The following CEP128 variants were observed in gnomAD, a reference collection of about 807,000 sequenced individuals.
The protein encoded by CEP128 is centrosomal protein 128, also known as centrosomal protein 128kDa.
A neutral mutation model predicts 156.7 loss-of-function variants in CEP128; 132 were observed. That is an observed-to-expected ratio of 0.84 (90% CI 0.73 to 0.97). The LOEUF is 0.97. Among genes scored for constraint, CEP128 ranks in the 50% least tolerant of loss-of-function variants. The pLI is 0.00. For missense variants in CEP128, 1,252 were observed against 1,281.9 expected (o/e 0.98, Z 0.36); for synonymous variants, 469 against 448.9 (o/e 1.04, Z -0.57).
chr14:80,713,794 T>G (rs1897502030), intron 19 of CEP128, among the ~76,000 whole-genome samples: 1 of 152,198 alleles, frequency 6.6e-6, no homozygotes, highest in South Asian at 2.1e-4. Context: ...GAAACAAAGA[T>G]AGTGATTTTG....
At chr14:80,674,562 TC>T in intron 19 of CEP128, among the ~76,000 whole-genome samples, 1 of 152,240 alleles carries the variant, frequency 6.6e-6, no homozygotes, top group South Asian at 2.1e-4. Flanking sequence ...TAAGAACATT[TC>T]TTTATTAAGT....
chr14:80,928,988 C>T (rs2139572786), intron 2 of CEP128, among the ~76,000 whole-genome samples: 1 of 151,610 alleles, frequency 6.6e-6, no homozygotes. Context: ...CAACAAAGGG[C>T]TAATATCCAG....
intron 19 of CEP128, among the ~76,000 whole-genome samples, chr14:80,662,070 A>T (rs1054022130): frequency 1.3e-5 from 2 of 152,206 alleles, no homozygotes; most frequent in Non-Finnish European, 2.9e-5. Context: ...TACGAGCAAC[A>T]TGATCTCAGC....
At chr14:80,617,592 C>G (rs1234376710) in intron 19 of CEP128, among the ~76,000 whole-genome samples, 1 of 152,084 alleles carries the variant, frequency 6.6e-6, no homozygotes, top group African/African-American at 2.4e-5. Flanking sequence ...TAACTACTCA[C>G]AAGATTGTTG....
intron 2 of CEP128, among the ~76,000 whole-genome samples, chr14:80,952,477 C>T (rs956824196): frequency 6.6e-6 from 1 of 151,940 alleles, no homozygotes; most frequent in Non-Finnish European, 1.5e-5. Flanking sequence ...TACAAGATAT[C>T]GAAACCTGTG....
intron 13 of CEP128, among the ~76,000 whole-genome samples, chr14:80,800,370 C>T (rs1423189023): frequency 6.6e-6 from 1 of 152,176 alleles, no homozygotes; most frequent in Admixed American, 6.5e-5. Flanking sequence ...CTTTTTATAT[C>T]TTGCTAGCAA....
Position 80,909,802 on chromosome 14 carries a change from A to G in CEP128, c.235-3721T>C, listed in dbSNP as rs559151083. On this transcript the variant is annotated intron_variant, in intron 4 of 24. Coordinates refer to ENST00000555265, the MANE Select transcript of CEP128 (RefSeq NM_152446.5). ...ATTTGATAACTCCTAAAACACAAAA[A>G]CCAAGAAATAAAGAGACAAAGTACG... is the stretch of plus-strand genomic sequence containing the variant. Among the ~76,000 whole-genome samples the G allele has an allele frequency of 3.9e-5, 6 of 152,334 alleles. No individual in the cohort carries two copies. The East Asian group carries it at 1.2e-3, about 29-fold the overall frequency.
intron 20 of CEP128, among the ~76,000 whole-genome samples, chr14:80,574,143 T>G (rs1265150108): frequency 6.6e-6 from 1 of 152,178 alleles, no homozygotes; most frequent in Non-Finnish European, 1.5e-5. Context: ...TAATCCTAAT[T>G]TATCAATTTA....
chr14:80,520,128 C>T (rs1888668377), intron 23 of CEP128, among the ~76,000 whole-genome samples: 3 of 152,100 alleles, frequency 2.0e-5, no homozygotes, highest in Non-Finnish European at 4.4e-5. Context: ...ATATTAAAAA[C>T]CCAAAGCAGG....
chr14:80,953,032 G>A (rs1435827904), intron 2 of CEP128, among the ~76,000 whole-genome samples: 1 of 152,112 alleles, frequency 6.6e-6, no homozygotes, highest in Non-Finnish European at 1.5e-5. Context: ...GAAAATGCAA[G>A]GTTCCAACAG....
intron 19 of CEP128, among the ~76,000 whole-genome samples, chr14:80,709,840 A>G (rs1330660453): frequency 6.6e-6 from 1 of 152,188 alleles, no homozygotes; most frequent in South Asian, 2.1e-4. Context: ...TATTATCAGT[A>G]GGTTTTTTTC....
intron 20 of CEP128, among the ~76,000 whole-genome samples, chr14:80,568,967 A>G (rs1424931099): frequency 2.0e-5 from 3 of 152,182 alleles, no homozygotes; most frequent in Non-Finnish European, 2.9e-5. Context: ...CTTTTTCTTC[A>G]AACTGAGCTT....
chr14:80,860,416 C>T (rs1887458457), intron 9 of CEP128, among the ~76,000 whole-genome samples: 1 of 152,112 alleles, frequency 6.6e-6, no homozygotes, highest in East Asian at 1.9e-4. Context: ...AATACCCAGG[C>T]TCTGGTATCT....
At chr14:80,956,734 G>A (rs147895907) in intron 2 of CEP128, among the ~76,000 whole-genome samples, 2,007 of 152,188 alleles carry the variant, frequency 0.013, 16 homozygotes, top group Middle Eastern at 0.054. Flanking sequence ...AAAGAAATGG[G>A]AAAGTTGCAC....
intron 14 of CEP128, among the ~76,000 whole-genome samples, chr14:80,788,308 T>TTC: frequency 6.7e-6 from 1 of 149,630 alleles, no homozygotes; most frequent in Admixed American, 6.7e-5. Flanking sequence ...TTTTTTTTTT[T>TTC]TTCTGTTTCC....
At chr14:80,839,609 T>A (rs1357467982) in intron 10 of CEP128, among the ~76,000 whole-genome samples, 1 of 152,192 alleles carries the variant, frequency 6.6e-6, no homozygotes, top group Non-Finnish European at 1.5e-5. Context: ...GGTTTTGATA[T>A]TGAATGGCAA....
At chr14:80,852,239 A>G (rs1011902604) in intron 9 of CEP128, among the ~76,000 whole-genome samples, 5 of 152,028 alleles carry the variant, frequency 3.3e-5, no homozygotes, top group African/African-American at 1.2e-4. Flanking sequence ...AAGGAGTTAA[A>G]TTAAAAACAA....
At chr14:80,504,428 C>G (rs899318480) in intron 24 of CEP128, among the ~76,000 whole-genome samples, 2 of 152,142 alleles carry the variant, frequency 1.3e-5, no homozygotes, top group African/African-American at 4.8e-5. Context: ...TGGCAGATGG[C>G]ATTTTGGGCC....
At position 80,741,858 on chromosome 14, in the gene CEP128, TA is replaced by T. The variant is rs766046717; in HGVS notation, c.2806+1216del. 2.0e-3 allele frequency among the ~76,000 whole-genome samples: 292 copies of T among 144,808 alleles called. 1 individual carries two copies. The highest frequency in any genetic ancestry group is 4.9e-3 in the African/African-American group (193 of 39,672). The allele number at this position is 144,808 out of a possible 152,430, so 95.0% of individuals were successfully genotyped here. On this transcript the variant is annotated intron_variant, in intron 19 of 24. Coordinates refer to ENST00000555265, the MANE Select transcript of CEP128 (RefSeq NM_152446.5). ...TTCACCTTCTCTATGTGTACCATTA[TA>T]AAAAAAAAAAAGTTTAAATCACTAC...
Sources: allele counts gnomAD v4.1 joint callset (sites outside exome capture counted in the v4.1 genomes callset), GRCh38; gene constraint gnomAD v4.1.1; transcripts MANE v1.5; gene names NCBI Gene and HGNC (gene_info 2026-07-23, HGNC 2026-07-21).